Variants in VPS54 observed in about 807,000 individuals in gnomAD.
VPS54 encodes vacuolar protein sorting-associated protein 54.
In VPS54, 45 loss-of-function variants were observed where a neutral mutation model predicts 121.5. That is an observed-to-expected ratio of 0.37 (90% CI 0.29 to 0.47). The LOEUF (loss-of-function observed/expected upper bound fraction) is 0.47. Among genes scored for constraint, VPS54 ranks in the 20% least tolerant of loss-of-function variants. The pLI is 0.99. For missense variants in VPS54, 1,090 were observed against 1,131.4 expected (o/e 0.96, Z 0.52); for synonymous variants, 371 against 385.8 (o/e 0.96, Z 0.45).
rs1481086180 is a variant in VPS54 at position 63,976,823 on chromosome 2, C to CTTTTTTTT, written c.379-4580_379-4579insAAAAAAAA. On this transcript the variant is annotated intron_variant, in intron 3 of 22. Transcript: ENST00000272322. ...TTTTGATACTAGTAGCTTATATCTT[C>CTTTTTTTT]TCTTTTTTTTTTTTTTTTTTTTTGA... Among the ~76,000 whole-genome samples the CTTTTTTTT allele has an allele frequency of 1.0e-4, 7 of 68,040 alleles. 1 individual carries two copies. The highest frequency in any genetic ancestry group is 1.8e-4 in the African/African-American group (3 of 16,408). The allele number at this position is 68,040 out of a possible 152,430, so 44.6% of individuals were successfully genotyped here.
At chr2:63,893,681 T>A in intron 22 of VPS54, 146 bp from the exon 23 acceptor site, 6 of 659,200 alleles carry the variant, frequency 9.1e-6, no homozygotes, top group South Asian at 4.2e-5. Context: ...CTTAGCAGGA[T>A]TCCTGCTATG....
At chr2:63,933,126 G>T (rs139750965) in intron 12 of VPS54, among the ~76,000 whole-genome samples, 95 of 152,270 alleles carry the variant, frequency 6.2e-4, no homozygotes, top group African/African-American at 2.2e-3. Flanking sequence ...AAGGTTATAT[G>T]AGAGTTTTTT....
At chr2:63,965,278 C>T (rs1049996677) in intron 6 of VPS54, among the ~76,000 whole-genome samples, 3 of 151,992 alleles carry the variant, frequency 2.0e-5, no homozygotes, top group African/African-American at 7.3e-5. Context: ...AGTTCGAGAC[C>T]AGCCTGGCCA....
chr2:63,959,895 C>T (rs1476426900), intron 7 of VPS54, among the ~76,000 whole-genome samples: 1 of 152,018 alleles, frequency 6.6e-6, no homozygotes, highest in Non-Finnish European at 1.5e-5. Context: ...GTGGCGGGCA[C>T]CTGTAATCCC....
intron 1 of VPS54, among the ~76,000 whole-genome samples, chr2:63,988,103 TAGA>T (rs1347643488): frequency 1.3e-5 from 2 of 152,226 alleles, no homozygotes; most frequent in African/African-American, 2.4e-5. Context: ...TTTCAGATCT[TAGA>T]AGAAGGGCTT....
intron 7 of VPS54, among the ~76,000 whole-genome samples, chr2:63,957,441 CAA>C (rs10551633): frequency 0.026 from 2,351 of 90,048 alleles, 53 homozygotes; most frequent in African/African-American, 0.088. Context: ...GACTCCATCT[CAA>C]AAAAAAAAAA....
At chr2:63,951,861 A>C (rs1575949892) in intron 7 of VPS54, among the ~76,000 whole-genome samples, 1 of 152,178 alleles carries the variant, frequency 6.6e-6, no homozygotes, top group East Asian at 1.9e-4. Flanking sequence ...GTTCAAGGTC[A>C]AAGGTGTACC....
At chr2:63,978,378 C>T (rs1053206238) in intron 3 of VPS54, among the ~76,000 whole-genome samples, 1 of 152,234 alleles carries the variant, frequency 6.6e-6, no homozygotes, top group African/African-American at 2.4e-5. Context: ...AAGGAGGTAC[C>T]CACTCTCAGA....
rs746493612 is a variant in VPS54, at chr2:63,933,933, T to C, written c.1479A>G (p.Ser493=). 2 of 1,613,680 alleles carry C rather than the reference T, an allele frequency of 1.2e-6. No homozygotes were observed. The highest frequency in any genetic ancestry group is 2.2e-5 in the East Asian group (1 of 44,856). Residue 493 remains serine (S), a synonymous_variant, in exon 12 of 23, where the codon TCA becomes TCG. Coordinates refer to ENST00000272322, the MANE Select transcript of VPS54 (RefSeq NM_016516.3). ...TATCTTTTGCAGCATTCTTCTGTTG[T>C]GAAATCTCTTCCAATTCTCTAGTCC... ...NQRTRELEEI[S]QQKNAAKDNS... is the part of the protein sequence containing the mutation.
intron 1 of VPS54, among the ~76,000 whole-genome samples, chr2:64,002,203 G>A (rs137970190): frequency 1.8e-3 from 275 of 152,286 alleles, no homozygotes; most frequent in Non-Finnish European, 3.2e-3. Context: ...CCACATAGTC[G>A]CTGCATGGGG....
chr2:63,991,863 T>C (rs138058060), intron 1 of VPS54, among the ~76,000 whole-genome samples: 2,447 of 152,264 alleles, frequency 0.016, 26 homozygotes, highest in Non-Finnish European at 0.027. Flanking sequence ...TCCCAGCCTC[T>C]TCTTCTCAGT....
At chr2:63,919,525 T>C (rs951568452) in intron 15 of VPS54, among the ~76,000 whole-genome samples, 6 of 152,082 alleles carry the variant, frequency 3.9e-5, no homozygotes, top group Non-Finnish European at 8.8e-5. Flanking sequence ...TATATAAAGC[T>C]GGTTTCAAAT....
chr2:63,942,342 G>T, intron 11 of VPS54, 123 bp downstream of exon 11: 1 of 656,924 alleles, frequency 1.5e-6, no homozygotes, highest in Non-Finnish European at 2.3e-6. Flanking sequence ...AGCCTCTTTA[G>T]AAAAATTACA....
chr2:63,940,214 T>C (rs556191224), intron 11 of VPS54, among the ~76,000 whole-genome samples: 79 of 152,344 alleles, frequency 5.2e-4, no homozygotes, highest in Non-Finnish European at 1.0e-3. Flanking sequence ...TTCCAATTTT[T>C]AGTTATTTTT....
chr2:63,997,579 C>CAG (rs1677659227), intron 1 of VPS54, among the ~76,000 whole-genome samples: 1 of 151,782 alleles, frequency 6.6e-6, no homozygotes, highest in Non-Finnish European at 1.5e-5. Flanking sequence ...TTGGGGTCTT[C>CAG]TTTTTTCTTA....
chr2:63,943,228 A>G (rs1243676542), intron 10 of VPS54, among the ~76,000 whole-genome samples: 1 of 152,236 alleles, frequency 6.6e-6, no homozygotes, highest in African/African-American at 2.4e-5. Context: ...TTCAAGGTGA[A>G]AAAAAGTAAT....
intron 1 of VPS54, among the ~76,000 whole-genome samples, chr2:64,003,394 CTT>C (rs1416531586): frequency 1.3e-5 from 2 of 152,152 alleles, no homozygotes; most frequent in African/African-American, 4.8e-5. Context: ...ATTATTCTCT[CTT>C]GAAGCTTTCT....
intron 11 of VPS54, among the ~76,000 whole-genome samples, chr2:63,940,085 T>C (rs1038872753): frequency 3.0e-4 from 45 of 152,246 alleles, no homozygotes; most frequent in African/African-American, 1.1e-3. Context: ...CTGAATATCA[T>C]AATGTATGTA....
chr2:63,962,291 A>T lies in VPS54; in HGVS notation c.777T>A (p.Ile259=), dbSNP rs1675806088. ...CACACATTACTTTATCAATCTGTGC[A>T]ATTTTATCTCGAAGCATTTTTACAG... ...SQAVKMLRDK[I]AQIDKVMCEG... Residue 259 remains isoleucine, a synonymous_variant, in exon 7 of 23, where the codon ATT becomes ATA. Transcript: ENST00000272322. 1 of 1,613,934 alleles carries T rather than the reference A, an allele frequency of 6.2e-7. No homozygotes were observed. The highest frequency in any genetic ancestry group is 1.3e-5 in the African/African-American group (1 of 74,904).
Sources: allele counts gnomAD v4.1 joint callset (sites outside exome capture counted in the v4.1 genomes callset), GRCh38; gene constraint gnomAD v4.1.1; transcripts MANE v1.5; gene names NCBI Gene and HGNC (gene_info 2026-07-23, HGNC 2026-07-21).